The following PDS5A variants were observed in gnomAD, a reference collection of about 807,000 sequenced individuals.
The protein encoded by PDS5A is PDS5 cohesin associated factor A, also known as sister chromatid cohesion protein PDS5 homolog A.
A neutral mutation model predicts 167.1 loss-of-function variants in PDS5A; 42 were observed. That is an observed-to-expected ratio of 0.25 (90% CI 0.20 to 0.33). PDS5A has a LOEUF of 0.33. Among genes scored for constraint, PDS5A ranks in the 10% least tolerant of loss-of-function variants. The pLI, the probability that PDS5A is intolerant of heterozygous loss-of-function variation, is 1.00. For missense variants in PDS5A, 1,033 were observed against 1,605.9 expected (o/e 0.64, Z 6.10); for synonymous variants, 553 against 554.6 (o/e 1.00, Z 0.04).
chr4:39,923,549 T>C (rs1725190525), intron 5 of PDS5A, among the ~76,000 whole-genome samples: 1 of 150,776 alleles, frequency 6.6e-6, no homozygotes. Flanking sequence ...CATGGGAGGA[T>C]CACTGGAGCC....
chr4:39,953,887 T>A (rs1328317814), intron 2 of PDS5A, among the ~76,000 whole-genome samples: 2 of 152,192 alleles, frequency 1.3e-5, no homozygotes, highest in Admixed American at 1.3e-4. Flanking sequence ...ACACTCTCAA[T>A]AGCCAAAGCA....
At chr4:39,837,751 T>C in intron 32 of PDS5A, 105 bp downstream of exon 32, 1 of 755,462 alleles carries the variant, frequency 1.3e-6, no homozygotes, top group African/African-American at 1.8e-5. Context: ...AGATGCAGGT[T>C]TCTCTCTCAA....
At chr4:39,917,296 C>A in intron 7 of PDS5A, 108 bp from the exon 8 acceptor site, 1 of 649,772 alleles carries the variant, frequency 1.5e-6, no homozygotes, top group Non-Finnish European at 2.5e-6. Context: ...ATTACATATA[C>A]AATTGAAGGA....
intron 9 of PDS5A, among the ~76,000 whole-genome samples, chr4:39,911,126 TCAAAA>T (rs1723847415): frequency 6.6e-6 from 1 of 152,056 alleles, no homozygotes; most frequent in Admixed American, 6.5e-5. Context: ...AGACCCTGTC[TCAAAA>T]CAAAACAAGA....
chr4:39,964,766 C>A (rs1411745674), intron 2 of PDS5A, among the ~76,000 whole-genome samples: 1 of 151,910 alleles, frequency 6.6e-6, no homozygotes, highest in Admixed American at 6.6e-5. Context: ...GGAGACCAGC[C>A]TGGCCAACAT....
intron 30 of PDS5A, among the ~76,000 whole-genome samples, chr4:39,843,287 T>C (rs1717229214): frequency 6.6e-6 from 1 of 152,104 alleles, no homozygotes; most frequent in South Asian, 2.1e-4. Context: ...TAATCCTGCC[T>C]TGGCCTACTA....
At position 39,908,494 on chromosome 4, in the gene PDS5A, A is replaced by G. The variant is rs1461914043; in HGVS notation, c.1134T>C (p.His378=). The G allele has an allele frequency of 1.9e-6, 3 of 1,598,566 alleles. No individual in the cohort carries two copies. In the African/African-American group the frequency reaches 4.0e-5, roughly 21 times the overall value. ...RSHDPEEAIR[H]DVIVTIITAA... is the part of the protein sequence containing the mutation. Reference sequence around the variant, plus strand: ...CTGTTATTATAGTAACAATGACATCATGACGAATAGCTTCTTCTGGATCAT... The same window carrying G: ...CTGTTATTATAGTAACAATGACATCGTGACGAATAGCTTCTTCTGGATCAT... The change falls in exon 11 of 33, where the codon CAT becomes CAC. Residue 378 remains histidine, a synonymous_variant. Coordinates refer to ENST00000303538, the MANE Select transcript of PDS5A (RefSeq NM_001100399.2).
intron 5 of PDS5A, among the ~76,000 whole-genome samples, chr4:39,925,014 A>T (rs1229367908): frequency 6.6e-6 from 1 of 152,212 alleles, no homozygotes; most frequent in Admixed American, 6.5e-5. Flanking sequence ...CAGGAGGCTG[A>T]GACAGGAGGA....
intron 31 of PDS5A, among the ~76,000 whole-genome samples, chr4:39,841,035 G>T: frequency 6.6e-6 from 1 of 151,830 alleles, no homozygotes; most frequent in South Asian, 2.1e-4. Flanking sequence ...GATTACAGGT[G>T]TAAGTTACTG....
intron 10 of PDS5A, among the ~76,000 whole-genome samples, chr4:39,909,422 T>G (rs905161551): frequency 6.6e-6 from 1 of 152,162 alleles, no homozygotes; most frequent in African/African-American, 2.4e-5. Context: ...ACCATGCCCA[T>G]AGTTACATTT....
At chr4:39,845,952 A>G (rs1057319742) in intron 28 of PDS5A, 72 bp from the exon 29 acceptor site, 1 of 1,178,044 alleles carries the variant, frequency 8.5e-7, no homozygotes, top group Non-Finnish European at 1.1e-6. Context: ...AATTATCTCA[A>G]TAAGGCTTTT....
Position 39,874,809 on chromosome 4 carries a change from T to C in PDS5A, c.2154-397A>G, listed in dbSNP as rs567704274. ...TTTCAAAGTAGCTACAGAAAGAGAG[T>C]AGCAAAAGGCCAAGTTGTATTAAAC... On this transcript the variant is annotated intron_variant, in intron 19 of 32. Transcript: ENST00000303538. Among the ~76,000 whole-genome samples the C allele has an allele frequency of 7.9e-5, 12 of 152,148 alleles. No homozygotes were observed. The East Asian group carries it at 1.7e-3, about 22-fold the overall frequency.
At chr4:39,931,087 C>G (rs1007496795) in intron 2 of PDS5A, among the ~76,000 whole-genome samples, 1 of 152,064 alleles carries the variant, frequency 6.6e-6, no homozygotes, top group Non-Finnish European at 1.5e-5. Flanking sequence ...TCAGGAGGAT[C>G]GCTTGAGCCC....
At chr4:39,837,687 A>G (rs1299670692) in intron 32 of PDS5A, 169 bp downstream of exon 32, 4 of 504,134 alleles carry the variant, frequency 7.9e-6, no homozygotes. Context: ...GTGCCTTAAA[A>G]CTGGAAGTTA....
chr4:39,962,298 C>T (rs1011959595), intron 2 of PDS5A, among the ~76,000 whole-genome samples: 18 of 151,718 alleles, frequency 1.2e-4, no homozygotes, highest in African/African-American at 3.9e-4. Context: ...CCTTGTGATC[C>T]GCCCGCCTTG....
Position 39,832,118 on chromosome 4 carries a change from AAAAAC to A in PDS5A, c.4010+5733_4010+5737del, listed in dbSNP as rs1271748650. ...GGGTGACAGAGCAAGACTCCATTTCAAAAACAAAACAAAACAAAAACCCAAAAACA... is the reference window on the plus strand; with the variant it reads ...GGGTGACAGAGCAAGACTCCATTTCAAAAACAAAACAAAAACCCAAAAACA... On this transcript the variant is annotated intron_variant, in intron 32 of 32. Coordinates refer to ENST00000303538, the MANE Select transcript of PDS5A (RefSeq NM_001100399.2). Among the ~76,000 whole-genome samples, 24 of 152,080 alleles carry A rather than the reference AAAAAC, an allele frequency of 1.6e-4. No homozygotes were observed. The South Asian group carries it at 4.1e-3, about 26-fold the overall frequency.
In PDS5A at chr4:39,825,043, T is replaced by C. The variant is rs1715169255; in HGVS notation, c.*442A>G. On this transcript the variant is annotated 3_prime_UTR_variant, in exon 33 of 33. Transcript: ENST00000303538. ...AATTCAGTAGACTTCTATTTTTTCC[T>C]GTGTAACATGGGAATTCCTGGCTCT... The C allele has an allele frequency of 1.9e-5, 3 of 155,098 alleles. No homozygotes were observed. In the South Asian group the frequency reaches 6.2e-4, roughly 32 times the overall value. The allele number at this position is 155,098 out of a possible 1,614,324, so 9.6% of individuals were successfully genotyped here.
intron 2 of PDS5A, among the ~76,000 whole-genome samples, chr4:39,939,746 G>A (rs568018942): frequency 6.6e-6 from 1 of 151,330 alleles, no homozygotes; most frequent in African/African-American, 2.4e-5. Flanking sequence ...GCAGTGAGCT[G>A]AAATTGCACC....
At chr4:39,934,333 T>C (rs1298311660) in intron 2 of PDS5A, among the ~76,000 whole-genome samples, 1 of 152,230 alleles carries the variant, frequency 6.6e-6, no homozygotes, top group East Asian at 1.9e-4. Context: ...GCAAGTTCCC[T>C]GTCTGCTTAA....
Sources: gnomAD v4.1 joint callset for allele counts (sites outside exome capture counted in the v4.1 genomes callset) on GRCh38, gnomAD v4.1.1 for gene constraint, MANE v1.5 for transcripts, NCBI Gene and HGNC (gene_info 2026-07-23, HGNC 2026-07-21) for gene names.